The following STARD8 variants were observed in gnomAD, a reference collection of about 807,000 sequenced individuals.
STARD8 encodes the protein stAR-related lipid transfer protein 8.
STARD8 carries 25 observed loss-of-function variants against 69.4 expected under a neutral mutation model. The ratio of observed to expected loss-of-function variants is 0.36; its 90% confidence interval spans 0.26 to 0.50. STARD8 has a LOEUF of 0.50. Ranked by LOEUF, STARD8 falls within the 20% of genes least tolerant of loss-of-function variation. The pLI is 0.96. For synonymous variants in STARD8, 389 were observed against 374.6 expected (o/e 1.04, Z -0.45); for missense variants, 921 against 932.5 (o/e 0.99, Z 0.16).
chrX:68,649,246 C>T (rs1037685543), intron 1 of STARD8, among the ~76,000 whole-genome samples: 3 of 110,469 alleles, frequency 2.7e-5, no homozygotes, highest in Non-Finnish European at 5.7e-5. Context: ...GGGGGAAGGG[C>T]ATTCCAGGCA....
intron 2 of STARD8, among the ~76,000 whole-genome samples, chrX:68,699,928 C>T (rs1394362878): frequency 9.0e-6 from 1 of 111,605 alleles, no homozygotes. Context: ...CTTATTGGTG[C>T]CCCCATAGTG....
chrX:68,708,366 C>G (rs1337863358), intron 2 of STARD8, among the ~76,000 whole-genome samples: 1 of 112,620 alleles, frequency 8.9e-6, no homozygotes, highest in East Asian at 2.8e-4. Context: ...TGCATAAGCC[C>G]TATGCTTGAG....
At chrX:68,674,945 G>A (rs1307512634) in intron 2 of STARD8, among the ~76,000 whole-genome samples, 2 of 103,059 alleles carry the variant, frequency 1.9e-5, no homozygotes, top group South Asian at 4.5e-4. Context: ...ACCATGCCCG[G>A]CTAATTTTTG....
chrX:68,693,376 A>G (rs959324389), intron 2 of STARD8, among the ~76,000 whole-genome samples: 9 of 112,710 alleles, frequency 8.0e-5, no homozygotes, highest in African/African-American at 2.9e-4. Context: ...ACTCATTCAG[A>G]ACTCAATAAA....
rs1217764403 is a variant in STARD8, at chrX:68,719,370, A to G, written c.1861A>G (p.Thr621Ala). ...LRLTAFMEKY[T>A]VPHKQGWVWS... ...GCTTACCGCGTTCATGGAGAAGTAC[A>G]CTGTGCCCCACAAGCAGGGCTGGGT... Residue 621 changes from threonine (T) to alanine (A), a missense_variant, in exon 7 of 15, where the codon ACT becomes GCT. Transcript: ENST00000374599. The G allele has an allele frequency of 8.4e-6, 10 of 1,187,043 alleles. No homozygotes were observed.
chrX:68,653,085 CCACACACCACACACACCACA>C (rs2079571834), intron 1 of STARD8, among the ~76,000 whole-genome samples: 2 of 9,877 alleles, frequency 2.0e-4, no homozygotes. Context: ...ACACACCACA[CCACACACCACACACACCACA>C]CACACACACC....
At chrX:68,693,399 T>C (rs1002042068) in intron 2 of STARD8, among the ~76,000 whole-genome samples, 1 of 112,915 alleles carries the variant, frequency 8.9e-6, no homozygotes, top group Non-Finnish European at 1.9e-5. Flanking sequence ...TTAGCCTGTG[T>C]GCCTGGCCAA....
At chrX:68,658,591 G>C (rs1455363897) in intron 1 of STARD8, among the ~76,000 whole-genome samples, 2 of 112,734 alleles carry the variant, frequency 1.8e-5, no homozygotes, top group Non-Finnish European at 3.7e-5. Context: ...CCCAGGCTCA[G>C]GGAAAAGAGC....
chrX:68,672,289 G>T (rs756969812), intron 2 of STARD8, among the ~76,000 whole-genome samples: 22 of 111,827 alleles, frequency 2.0e-4, no homozygotes, highest in Non-Finnish European at 3.8e-4. Flanking sequence ...AGGTAGGAGA[G>T]ATCTTATAGC....
intron 1 of STARD8, among the ~76,000 whole-genome samples, chrX:68,651,003 A>G: frequency 8.9e-6 from 1 of 112,500 alleles, no homozygotes; most frequent in Non-Finnish European, 1.9e-5. Context: ...TCAAGTGTGC[A>G]TACACACATA....
At chrX:68,690,431 C>CGG (rs756097076) in intron 2 of STARD8, among the ~76,000 whole-genome samples, 1,038 of 99,574 alleles carry the variant, frequency 0.01, 24 homozygotes, top group African/African-American at 0.043. Flanking sequence ...CCCAGGCAGG[C>CGG]AGGGCGGGGG....
At chrX:68,653,126 C>T (rs1219311941) in intron 1 of STARD8, among the ~76,000 whole-genome samples, 25 of 60,701 alleles carry the variant, frequency 4.1e-4, no homozygotes, top group African/African-American at 1.6e-3. Context: ...ACACACCACA[C>T]ACACACCACA....
At chrX:68,687,576 C>T (rs772491489) in intron 2 of STARD8, among the ~76,000 whole-genome samples, 3 of 111,784 alleles carry the variant, frequency 2.7e-5, no homozygotes, top group Admixed American at 9.4e-5. Context: ...GAATTGAACA[C>T]GCTGAAACAC....
Position 68,719,138 on chromosome X carries a change from A to C in STARD8, c.1716-87A>C, listed in dbSNP as rs754393955. Reference sequence around the variant, plus strand: ...CCCTGCATTTTTTCTTTGGGGAGAAAAAAGGGGACCACAATAACACCTTTT... The same window carrying C: ...CCCTGCATTTTTTCTTTGGGGAGAACAAAGGGGACCACAATAACACCTTTT... On this transcript the variant is annotated intron_variant, in intron 6 of 14. Coordinates refer to ENST00000374599, the MANE Select transcript of STARD8 (RefSeq NM_001142503.3). The C allele has an allele frequency of 6.4e-5, 65 of 1,016,317 alleles. No individual in the cohort carries two copies. In the East Asian group the frequency reaches 2.0e-3, roughly 31 times the overall value. 83.8% of individuals were successfully genotyped at this position (1,016,317 alleles called of 1,213,427 possible). A position where few individuals can be genotyped will look rare whatever the true frequency, so the allele number is the denominator to read the frequency against.
intron 2 of STARD8, 94 bp downstream of exon 2, chrX:68,665,626 A>G: frequency 1.0e-6 from 1 of 963,603 alleles, no homozygotes; most frequent in Non-Finnish European, 1.5e-6. Context: ...CCTGGGCAGC[A>G]GAGCCAACGG....
In STARD8 at chrX:68,724,026, G is replaced by A. The variant is rs760528533; in HGVS notation, c.3099G>A (p.Ser1033=). 27 of 1,210,491 alleles carry A rather than the reference G, an allele frequency of 2.2e-5. No homozygotes were observed. The highest frequency in any genetic ancestry group is 2.5e-5 in the Non-Finnish European group (22 of 895,276). Residue 1033 remains serine, a synonymous_variant, in exon 14 of 15, where the codon TCG becomes TCA. Coordinates refer to ENST00000374599, the MANE Select transcript of STARD8 (RefSeq NM_001142503.3). ...ATCCGGAACAACCTGTGCCAGAGTC[G>A]GGTGTGCGAGCCCTCATGCTCACAT... The part of the protein sequence containing the change: ...SLDPEQPVPE[S]GVRALMLTSQ...
At chrX:68,665,556 C>A (rs1431206907) in intron 2 of STARD8, 24 bp downstream of exon 2, 1 of 1,201,040 alleles carries the variant, frequency 8.3e-7, no homozygotes, top group African/African-American at 1.8e-5. Flanking sequence ...GTGGGCATTG[C>A]AAGTGGCATA....
chrX:68,706,006 C>A (rs761238059), intron 2 of STARD8, among the ~76,000 whole-genome samples: 17 of 112,528 alleles, frequency 1.5e-4, no homozygotes, highest in African/African-American at 5.5e-4. Flanking sequence ...TTTCCTGCCA[C>A]CCTGTCCTAG....
chrX:68,720,823 G>C (rs1181771732), intron 8 of STARD8, 101 bp from the exon 9 acceptor site: 1 of 793,227 alleles, frequency 1.3e-6, no homozygotes, highest in East Asian at 3.5e-5. Context: ...GAAGTCTCTG[G>C]GGTGGCCTAG....
Sources: allele counts gnomAD v4.1 joint callset (sites outside exome capture counted in the v4.1 genomes callset), GRCh38; gene constraint gnomAD v4.1.1; transcripts MANE v1.5; gene names NCBI Gene and HGNC (gene_info 2026-07-23, HGNC 2026-07-21).